MSRA: variants seen among roughly 807,000 people sequenced by gnomAD.
MSRA encodes the protein mitochondrial peptide methionine sulfoxide reductase.
A neutral mutation model predicts 31.3 loss-of-function variants in MSRA; 54 were observed. The ratio of observed to expected loss-of-function variants is 1.73; its 90% CI spans 1.39 to 2.17. The LOEUF is 2.17. Ranked by LOEUF, MSRA falls within the 30% of genes most tolerant of loss-of-function variation. MSRA has a pLI of 0.00. For missense variants in MSRA, 507 were observed against 300.9 expected (o/e 1.69, Z -5.07); for synonymous variants, 169 against 116.5 (o/e 1.45, Z -2.90).
intron 1 of MSRA, among the ~76,000 whole-genome samples, chr8:10,127,754 A>G (rs1354276292): frequency 2.0e-5 from 3 of 152,272 alleles, no homozygotes; most frequent in African/African-American, 2.4e-5. Context: ...AGTAGAAGAA[A>G]TAGGTAATTT....
rs537352399 is a variant in MSRA at position 10,386,900 on chromosome 8, C to T, written c.544-41248C>T. Among the ~76,000 whole-genome samples the T allele has an allele frequency of 2.5e-3, 381 of 149,896 alleles. 3 individuals carry two copies. Among genetic ancestry groups the T allele is most frequent in the African/African-American group, 8.1e-3 (333 of 40,862 alleles). On this transcript the variant is annotated intron_variant, in intron 5 of 5. Coordinates refer to ENST00000317173, the MANE Select transcript of MSRA (RefSeq NM_012331.5). Reference sequence around the variant, plus strand: ...AAAAAAAAAAAAAAAAAACAGTCTCCAAGAGTCTTCAGAAAAATTAGCCCC... The same window carrying T: ...AAAAAAAAAAAAAAAAAACAGTCTCTAAGAGTCTTCAGAAAAATTAGCCCC...
chr8:10,259,824 C>T (rs1314133709), intron 3 of MSRA, among the ~76,000 whole-genome samples: 1 of 152,192 alleles, frequency 6.6e-6, no homozygotes, highest in Non-Finnish European at 1.5e-5. Flanking sequence ...GCTGCTGCTC[C>T]TCTCGGCTTC....
chr8:10,172,431 T>C (rs956145384), intron 1 of MSRA, among the ~76,000 whole-genome samples: 4 of 151,712 alleles, frequency 2.6e-5, no homozygotes, highest in Non-Finnish European at 5.9e-5. Context: ...CCAGCTGTGG[T>C]CAGTGGAAGT....
chr8:10,055,034 T>A lies in MSRA; in HGVS notation c.142+376T>A, dbSNP rs536130705. 9.2e-5 allele frequency among the ~76,000 whole-genome samples: 14 copies of A among 152,250 alleles called. No homozygotes were observed. In the South Asian group the frequency reaches 1.7e-3, roughly 18 times the overall value. On this transcript the variant is annotated intron_variant, in intron 1 of 5. Coordinates refer to ENST00000317173, the MANE Select transcript of MSRA (RefSeq NM_012331.5). The stretch of plus-strand genomic sequence containing the variant: ...GCTGTGCCTGCGCCCTCCTTTCTTG[T>A]CTCCTCTGCGCCGGCCGCCGGGACC...
At chr8:10,358,565 C>CTTTTTTTTT (rs59106668) in intron 5 of MSRA, among the ~76,000 whole-genome samples, 8 of 64,000 alleles carry the variant, frequency 1.3e-4, no homozygotes, top group African/African-American at 2.8e-4. Flanking sequence ...GCATTAGATT[C>CTTTTTTTTT]TTTTTTTTTT....
At chr8:10,078,945 A>G (rs921919667) in intron 1 of MSRA, among the ~76,000 whole-genome samples, 1 of 152,176 alleles carries the variant, frequency 6.6e-6, no homozygotes, top group East Asian at 1.9e-4. Context: ...GTCCCTCGCT[A>G]GCTTTTCATG....
chr8:10,227,948 A>AT (rs1031432814), intron 2 of MSRA, among the ~76,000 whole-genome samples: 1 of 152,164 alleles, frequency 6.6e-6, no homozygotes. Context: ...AAATGTTTAC[A>AT]TTTTTTGCCA....
rs75755029 is a variant in MSRA at position 10,293,578 on chromosome 8, A to G, written c.332-7956A>G. Among the ~76,000 whole-genome samples the G allele has an allele frequency of 1.3e-3, 196 of 152,268 alleles. 2 individuals carry two copies. The highest frequency in any genetic ancestry group is 4.6e-3 in the African/African-American group (192 of 41,562). ...ATTTTGGACGAGCACTGTGTTTTGG[A>G]TAGCACTGTGGTGACTGTTACTAGG... On this transcript the variant is annotated intron_variant, in intron 3 of 5. Coordinates refer to ENST00000317173, the MANE Select transcript of MSRA (RefSeq NM_012331.5).
At chr8:10,342,773 A>T (rs867765883) in intron 5 of MSRA, among the ~76,000 whole-genome samples, 1 of 152,192 alleles carries the variant, frequency 6.6e-6, no homozygotes, top group African/African-American at 2.4e-5. Flanking sequence ...AATAACCCAG[A>T]GCTTCTGCCC....
chr8:10,336,750 T>A (rs1336553392), intron 5 of MSRA: 2 of 152,190 alleles, frequency 1.3e-5, no homozygotes, highest in Admixed American at 6.5e-5. Flanking sequence ...ATTTTTACCT[T>A]TGTGTGTGTG....
At chr8:10,064,246 G>A (rs1410163047) in intron 1 of MSRA, among the ~76,000 whole-genome samples, 1 of 152,154 alleles carries the variant, frequency 6.6e-6, no homozygotes, top group Non-Finnish European at 1.5e-5. Context: ...TTTGACTCAT[G>A]ATGCCAAATG....
chr8:10,234,301 G>T (rs1360896634), intron 2 of MSRA, among the ~76,000 whole-genome samples: 1 of 152,088 alleles, frequency 6.6e-6, no homozygotes, highest in Non-Finnish European at 1.5e-5. Flanking sequence ...AATAAAAAAG[G>T]CAAATCTTTA....
chr8:10,278,038 T>C (rs1799417588), intron 3 of MSRA, among the ~76,000 whole-genome samples: 1 of 152,234 alleles, frequency 6.6e-6, no homozygotes, highest in Non-Finnish European at 1.5e-5. Flanking sequence ...AATATTTTGA[T>C]ATCTCCTGTA....
chr8:10,415,719 G>A (rs867109113), intron 5 of MSRA, among the ~76,000 whole-genome samples: 8 of 151,750 alleles, frequency 5.3e-5, no homozygotes, highest in Middle Eastern at 6.8e-3. Context: ...ACTCTCCTCC[G>A]GACCTGTCAG....
chr8:10,419,100 A>G (rs1353560683), intron 5 of MSRA, among the ~76,000 whole-genome samples: 3 of 152,166 alleles, frequency 2.0e-5, no homozygotes, highest in Non-Finnish European at 4.4e-5. Context: ...CCACAGGTTC[A>G]TAGGCATCAG....
chr8:10,122,049 C>T (rs1362687201), intron 1 of MSRA, among the ~76,000 whole-genome samples: 1 of 152,066 alleles, frequency 6.6e-6, no homozygotes, highest in Non-Finnish European at 1.5e-5. Flanking sequence ...TCTACAAGAA[C>T]AGCGGTCCTG....
intron 1 of MSRA, among the ~76,000 whole-genome samples, chr8:10,179,762 G>A (rs752616042): frequency 6.6e-6 from 1 of 152,190 alleles, no homozygotes; most frequent in African/African-American, 2.4e-5. Flanking sequence ...GACTTTGTGG[G>A]TTGAGGTAAG....
chr8:10,205,045 C>A (rs760391979), intron 1 of MSRA, among the ~76,000 whole-genome samples: 3 of 152,138 alleles, frequency 2.0e-5, no homozygotes, highest in Non-Finnish European at 4.4e-5. Flanking sequence ...TGCTAGTGTT[C>A]TGACCATGCA....
chr8:10,141,301 C>T (rs537470242), intron 1 of MSRA, among the ~76,000 whole-genome samples: 50 of 152,304 alleles, frequency 3.3e-4, no homozygotes, highest in African/African-American at 1.2e-3. Flanking sequence ...TGCCATTTCC[C>T]CACTTCAGAG....
Sources: allele counts gnomAD v4.1 joint callset (sites outside exome capture counted in the v4.1 genomes callset), GRCh38; gene constraint gnomAD v4.1.1; transcripts MANE v1.5; gene names NCBI Gene and HGNC (gene_info 2026-07-23, HGNC 2026-07-21).